The following PRKCH variants were observed in gnomAD, a reference collection of about 807,000 sequenced individuals.
PRKCH encodes the protein protein kinase C eta type.
PRKCH carries 28 observed loss-of-function variants against 82.5 expected under a neutral mutation model. The ratio of observed to expected loss-of-function variants is 0.34; its 90% CI spans 0.25 to 0.47. The LOEUF (loss-of-function observed/expected upper bound fraction) is 0.47, where lower values mean the gene tolerates loss of function less well. Ranked by LOEUF, PRKCH falls within the 20% of genes least tolerant of loss-of-function variation. PRKCH has a pLI of 1.00. For synonymous variants in PRKCH, 322 were observed against 327.4 expected (o/e 0.98, Z 0.18); for missense variants, 705 against 881.8 (o/e 0.80, Z 2.54).
At chr14:61,265,447 C>T (rs774994266) in intron 1 of PRKCH, among the ~76,000 whole-genome samples, 3 of 152,186 alleles carry the variant, frequency 2.0e-5, no homozygotes, top group Non-Finnish European at 4.4e-5. Flanking sequence ...TGCCGTTGCA[C>T]TCCAGCCTGC....
At chr14:61,495,891 G>A (rs185154841) in intron 10 of PRKCH, among the ~76,000 whole-genome samples, 7 of 152,314 alleles carry the variant, frequency 4.6e-5, no homozygotes, top group Admixed American at 3.9e-4. Context: ...AACTTGGTAG[G>A]AGCAATATAA....
At chr14:61,306,677 G>A (rs1025894592) in intron 1 of PRKCH, 2 of 152,196 alleles carry the variant, frequency 1.3e-5, no homozygotes, top group Non-Finnish European at 2.9e-5. Context: ...GTCCTCTGAT[G>A]TATGTTTTGG....
intron 2 of PRKCH, among the ~76,000 whole-genome samples, chr14:61,440,200 C>T (rs915302108): frequency 7.2e-5 from 11 of 152,132 alleles, no homozygotes; most frequent in African/African-American, 2.4e-4. Context: ...CTGTTCACTT[C>T]GTGGTTTCTA....
At chr14:61,446,601 C>T (rs1884237053) in intron 4 of PRKCH, among the ~76,000 whole-genome samples, 2 of 152,220 alleles carry the variant, frequency 1.3e-5, no homozygotes, top group Admixed American at 1.3e-4. Flanking sequence ...CTAATTTTGA[C>T]TTTACTATGT....
chr14:61,446,892 GTTATT>G (rs1270886265), intron 4 of PRKCH, among the ~76,000 whole-genome samples: 2 of 152,170 alleles, frequency 1.3e-5, no homozygotes, highest in Non-Finnish European at 2.9e-5. Flanking sequence ...CATCTCTATT[GTTATT>G]TTATTTCTTT....
At chr14:61,521,864 T>C (rs571586739) in intron 10 of PRKCH, among the ~76,000 whole-genome samples, 1 of 152,192 alleles carries the variant, frequency 6.6e-6, no homozygotes, top group Non-Finnish European at 1.5e-5. Context: ...GTAGTCTCAG[T>C]GTAAAAAAGA....
intron 12 of PRKCH, chr14:61,537,399 T>A (rs1026956470): frequency 1.8e-4 from 27 of 152,222 alleles, no homozygotes; most frequent in African/African-American, 6.3e-4. Flanking sequence ...TGTTTTCTGG[T>A]GTCAACATGC....
intron 1 of PRKCH, among the ~76,000 whole-genome samples, chr14:61,342,851 A>C (rs1297756594): frequency 6.6e-6 from 1 of 152,224 alleles, no homozygotes; most frequent in African/African-American, 2.4e-5. Flanking sequence ...CCAGCAGCCA[A>C]AAAGATTGCC....
At chr14:61,395,305 T>G in intron 2 of PRKCH, among the ~76,000 whole-genome samples, 1 of 104,640 alleles carries the variant, frequency 9.6e-6, no homozygotes, top group South Asian at 3.5e-4. Flanking sequence ...CCCCCGCATT[T>G]GCCTGCCACA....
chr14:61,367,905 G>A (rs1223526693), intron 1 of PRKCH, among the ~76,000 whole-genome samples: 4 of 151,640 alleles, frequency 2.6e-5, no homozygotes, highest in South Asian at 2.1e-4. Flanking sequence ...TAGTAGAGAC[G>A]GGGTTTCACC....
chr14:61,521,114 G>A (rs1049999457), intron 10 of PRKCH, among the ~76,000 whole-genome samples: 1 of 152,174 alleles, frequency 6.6e-6, no homozygotes, highest in African/African-American at 2.4e-5. Context: ...GTATTTTACT[G>A]TATAATATTG....
At chr14:61,326,613 A>G (rs1188531357) in intron 1 of PRKCH, among the ~76,000 whole-genome samples, 2 of 152,252 alleles carry the variant, frequency 1.3e-5, no homozygotes, top group African/African-American at 2.4e-5. Context: ...CTGTGGGGAA[A>G]AAAACCAATC....
At chr14:61,323,528 T>C (rs972540472) in intron 1 of PRKCH, among the ~76,000 whole-genome samples, 7 of 152,348 alleles carry the variant, frequency 4.6e-5, no homozygotes, top group African/African-American at 1.7e-4. Context: ...TGAAAATGTT[T>C]GAAATTTACA....
At chr14:61,432,318 T>A (rs542532825) in intron 2 of PRKCH, among the ~76,000 whole-genome samples, 1 of 152,326 alleles carries the variant, frequency 6.6e-6, no homozygotes, top group Admixed American at 6.5e-5. Flanking sequence ...TTTACTTACA[T>A]GTTTATAATT....
chr14:61,433,959 A>G (rs1360851180), intron 2 of PRKCH, among the ~76,000 whole-genome samples: 1 of 152,224 alleles, frequency 6.6e-6, no homozygotes, highest in Non-Finnish European at 1.5e-5. Flanking sequence ...AGTGATCATC[A>G]TATTGTCTTT....
In PRKCH at chr14:61,459,410, T is replaced by C. The variant is rs185464423; in HGVS notation, c.1278+1731T>C. On this transcript the variant is annotated intron_variant, in intron 9 of 13. Coordinates refer to ENST00000332981, the MANE Select transcript of PRKCH (RefSeq NM_006255.5). ...GGTCAACAGCACACTATGGGTCTGCTGGTGAGACAGAGCATCAGGTGTGAA... is the reference window on the plus strand; with the variant it reads ...GGTCAACAGCACACTATGGGTCTGCCGGTGAGACAGAGCATCAGGTGTGAA... Among the ~76,000 whole-genome samples the C allele has an allele frequency of 3.3e-5, 5 of 152,350 alleles. No homozygotes were observed. In the East Asian group the frequency reaches 9.6e-4, roughly 29 times the overall value.
intron 2 of PRKCH, among the ~76,000 whole-genome samples, chr14:61,421,484 C>T (rs1450221157): frequency 6.6e-6 from 1 of 152,140 alleles, no homozygotes; most frequent in African/African-American, 2.4e-5. Context: ...GATAATATTG[C>T]AGCCCCGTAG....
chr14:61,324,042 TA>T (rs1314973039), intron 1 of PRKCH, among the ~76,000 whole-genome samples: 2 of 152,202 alleles, frequency 1.3e-5, no homozygotes, highest in Admixed American at 6.5e-5. Context: ...CAGGGACCTT[TA>T]AAAAATCCCC....
intron 10 of PRKCH, among the ~76,000 whole-genome samples, chr14:61,490,070 C>T (rs886095103): frequency 1.3e-5 from 2 of 152,202 alleles, no homozygotes; most frequent in Non-Finnish European, 2.9e-5. Flanking sequence ...ACATGCTTTT[C>T]GACTCATGAG....
Sources: gnomAD v4.1 joint callset for allele counts (sites outside exome capture counted in the v4.1 genomes callset) on GRCh38, gnomAD v4.1.1 for gene constraint, MANE v1.5 for transcripts, NCBI Gene and HGNC (gene_info 2026-07-23, HGNC 2026-07-21) for gene names.